The following DCLRE1C variants were observed in gnomAD, a reference collection of about 807,000 sequenced individuals.
DCLRE1C encodes the protein DNA cross-link repair 1C, also known as protein artemis.
A neutral mutation model predicts 61.4 loss-of-function variants in DCLRE1C; 47 were observed. The ratio of observed to expected loss-of-function variants is 0.77; its 90% CI spans 0.61 to 0.98. The LOEUF (loss-of-function observed/expected upper bound fraction) is 0.98, where lower values mean the gene tolerates loss of function less well. Ranked by LOEUF, DCLRE1C falls within the 50% of genes least tolerant of loss-of-function variation. The pLI, the probability that DCLRE1C is intolerant of heterozygous loss-of-function variation, is 0.00. For missense variants in DCLRE1C, 858 were observed against 816.0 expected (o/e 1.05, Z -0.63); for synonymous variants, 337 against 287.6 (o/e 1.17, Z -1.74).
At chr10:14,909,432 G>A (rs1834875899) in intron 13 of DCLRE1C, 102 bp from the exon 14 acceptor site, 6 of 1,020,406 alleles carry the variant, frequency 5.9e-6, no homozygotes, top group Middle Eastern at 3.1e-4. Context: ...AGAATAGGGA[G>A]GCCACTCTTC....
intron 5 of DCLRE1C, among the ~76,000 whole-genome samples, chr10:14,936,039 G>A (rs1330752274): frequency 1.3e-5 from 2 of 152,096 alleles, no homozygotes; most frequent in South Asian, 2.1e-4. Flanking sequence ...GACTACAGGG[G>A]TGTGCCACCA....
chr10:14,902,592 CTTA>C, downstream of DCLRE1C: 2 of 868,898 alleles, frequency 2.3e-6, no homozygotes, highest in South Asian at 4.4e-5. Flanking sequence ...ATTTGGGACT[CTTA>C]TTATCAAGGT....
At chr10:14,952,522 A>T (rs1842599491) in intron 1 of DCLRE1C, among the ~76,000 whole-genome samples, 1 of 152,144 alleles carries the variant, frequency 6.6e-6, no homozygotes, top group Non-Finnish European at 1.5e-5. Flanking sequence ...CAGGAGGCGG[A>T]GGTTGCAGTG....
At chr10:14,941,159 T>C (rs924641080) in intron 3 of DCLRE1C, among the ~76,000 whole-genome samples, 5 of 152,278 alleles carry the variant, frequency 3.3e-5, no homozygotes, top group African/African-American at 9.6e-5. Context: ...ATTACAGGTG[T>C]GAGCCACTGA....
At position 14,932,888 on chromosome 10, in the gene DCLRE1C, C is replaced by A. The variant is rs374838779; in HGVS notation, c.746G>T (p.Arg249Leu). 4 of 1,614,058 alleles carry A rather than the reference C, an allele frequency of 2.5e-6. No homozygotes were observed. The highest frequency in any genetic ancestry group is 1.7e-5 in the Admixed American group (1 of 59,994). Residue 249 changes from arginine (R) to leucine (L), a missense_variant, in exon 9 of 14, where the codon CGC (arginine) becomes CTC (leucine). Arg to Leu is a moderately radical substitution (Grantham distance 102). Coordinates refer to ENST00000378278, the MANE Select transcript of DCLRE1C (RefSeq NM_001033855.3). ...CCGGCATGCATGGATCTGAGTGTTGCGGTCTGTTGTGAGATGATGAAGGAT... is the reference window on the plus strand; with the variant it reads ...CCGGCATGCATGGATCTGAGTGTTGAGGTCTGTTGTGAGATGATGAAGGAT... ...PEILHHLTTD[R>L]NTQIHACRHP...
At chr10:14,913,712 C>T (rs1835688122) in intron 13 of DCLRE1C, among the ~76,000 whole-genome samples, 1 of 152,104 alleles carries the variant, frequency 6.6e-6, no homozygotes, top group African/African-American at 2.4e-5. Flanking sequence ...CAACTAGTTA[C>T]CAAGCATTTA....
At position 14,934,736 on chromosome 10, in the gene DCLRE1C, G is replaced by A. The variant is rs61749165; in HGVS notation, c.504C>T (p.Phe168=). 4 of 1,613,838 alleles carry A rather than the reference G, an allele frequency of 2.5e-6. No homozygotes were observed. Among genetic ancestry groups the A allele is most frequent in the Non-Finnish European group, 3.4e-6 (4 of 1,179,864 alleles). The change falls in exon 7 of 14, where the codon TTC becomes TTT. Residue 168 remains phenylalanine, a synonymous_variant. Coordinates refer to ENST00000378278, the MANE Select transcript of DCLRE1C (RefSeq NM_001033855.3). ...GAATTTGGTAAAATCTTGGATCACA[G>A]AACGTAGTATCCAAATATACACTTT... ...DIQSVYLDTT[F]CDPRFYQIPS...
chr10:14,931,429 G>T (rs1163304130), intron 9 of DCLRE1C, among the ~76,000 whole-genome samples: 1 of 152,010 alleles, frequency 6.6e-6, no homozygotes, highest in Non-Finnish European at 1.5e-5. Flanking sequence ...GTGGTAGCGG[G>T]AGCCTGTAAT....
At chr10:14,913,416 A>T (rs1441033525) in intron 13 of DCLRE1C, among the ~76,000 whole-genome samples, 1 of 152,254 alleles carries the variant, frequency 6.6e-6, no homozygotes, top group African/African-American at 2.4e-5. Flanking sequence ...AAAGCTTAAA[A>T]AATAATTTTG....
chr10:14,900,974 T>C (rs887572765), downstream of DCLRE1C, among the ~76,000 whole-genome samples: 2 of 152,218 alleles, frequency 1.3e-5, no homozygotes, highest in African/African-American at 4.8e-5. Flanking sequence ...GAAAAAAATC[T>C]TTTTAAATGT....
At chr10:14,942,515 G>C (rs1841020133) in intron 3 of DCLRE1C, 1 of 152,192 alleles carries the variant, frequency 6.6e-6, no homozygotes, top group Non-Finnish European at 1.5e-5. Context: ...AAACACACGT[G>C]CACACACTAT....
intron 13 of DCLRE1C, among the ~76,000 whole-genome samples, chr10:14,914,241 G>A (rs1016168869): frequency 6.6e-6 from 1 of 152,158 alleles, no homozygotes; most frequent in Non-Finnish European, 1.5e-5. Flanking sequence ...AATTCAAATG[G>A]CTCTAGTAGA....
intron 12 of DCLRE1C, 132 bp downstream of exon 12, chr10:14,922,849 A>G: frequency 1.4e-6 from 1 of 718,644 alleles, no homozygotes; most frequent in Non-Finnish European, 2.5e-6. Flanking sequence ...AAAAATGGAA[A>G]TGAGTATCAG....
intron 5 of DCLRE1C, among the ~76,000 whole-genome samples, 195 bp downstream of exon 5, chr10:14,936,343 T>G (rs535733998): frequency 7.0e-6 from 1 of 143,430 alleles, no homozygotes; most frequent in East Asian, 2.0e-4. Context: ...TTTTTTTTTT[T>G]AAAAAAAAAA....
At chr10:14,943,693 C>T (rs1049320423) in intron 3 of DCLRE1C, among the ~76,000 whole-genome samples, 2 of 152,162 alleles carry the variant, frequency 1.3e-5, no homozygotes, top group Non-Finnish European at 2.9e-5. Flanking sequence ...GCTGGGACTA[C>T]AGGCACCGCC....
intron 3 of DCLRE1C, among the ~76,000 whole-genome samples, chr10:14,941,713 C>G (rs1176573014): frequency 1.3e-5 from 2 of 152,160 alleles, no homozygotes; most frequent in Non-Finnish European, 2.9e-5. Flanking sequence ...TGTTTCTGAT[C>G]TCCAACATCA....
chr10:14,944,584 C>T (rs1841372873), intron 3 of DCLRE1C, among the ~76,000 whole-genome samples: 1 of 151,798 alleles, frequency 6.6e-6, no homozygotes, highest in South Asian at 2.1e-4. Flanking sequence ...CTAGATCTCA[C>T]TCTTGAGGAA....
At chr10:14,902,331 A>T, downstream of DCLRE1C, 1 of 1,010,408 alleles carries the variant, frequency 9.9e-7, no homozygotes, top group South Asian at 1.7e-5. Flanking sequence ...TAAAGCTAAT[A>T]TAATAGAAAA....
At chr10:14,909,437 C>G (rs1834877124) in intron 13 of DCLRE1C, 107 bp from the exon 14 acceptor site, 2 of 961,980 alleles carry the variant, frequency 2.1e-6, no homozygotes, top group Admixed American at 2.6e-5. Flanking sequence ...AGGGAGGCCA[C>G]TCTTCTTCAA....
Sources: allele counts gnomAD v4.1 joint callset (sites outside exome capture counted in the v4.1 genomes callset), GRCh38; gene constraint gnomAD v4.1.1; transcripts MANE v1.5; gene names NCBI Gene and HGNC (gene_info 2026-07-23, HGNC 2026-07-21).